MTHFD2L: variants seen among roughly 807,000 people sequenced by gnomAD.
MTHFD2L encodes methylenetetrahydrofolate dehydrogenase (NADP+ dependent) 2 like.
A neutral mutation model predicts 34.9 loss-of-function variants in MTHFD2L; 29 were observed. The observed-to-expected ratio is 0.83, with a 90% CI of 0.62 to 1.13. The LOEUF is 1.13. MTHFD2L is among the 50% of genes most tolerant of loss of function. The pLI is 0.00. For synonymous variants in MTHFD2L, 167 were observed against 155.7 expected, an observed-to-expected ratio of 1.07 and a Z score of -0.54; for missense variants, 481 against 446.5, an observed-to-expected ratio of 1.08 and a Z score of -0.70.
At chr4:74,134,422 A>T (rs557271568) in intron 1 of MTHFD2L, among the ~76,000 whole-genome samples, 2 of 152,162 alleles carry the variant, frequency 1.3e-5, no homozygotes, top group Non-Finnish European at 2.9e-5. Context: ...AAGTCAAGGT[A>T]AACATAGGCT....
chr4:74,124,845 TAAG>T (rs1310356810), upstream of MTHFD2L, among the ~76,000 whole-genome samples: 1 of 152,100 alleles, frequency 6.6e-6, no homozygotes, highest in African/African-American at 2.4e-5. Context: ...TTATAAAAAT[TAAG>T]AAATCATGTA....
At chr4:74,293,623 C>G in intron 7 of MTHFD2L, 1 of 565,404 alleles carries the variant, frequency 1.8e-6, no homozygotes. Context: ...CTTCCAAGTT[C>G]AATGGCAAGC....
chr4:74,133,946 A>C (rs1007107848), intron 1 of MTHFD2L, among the ~76,000 whole-genome samples: 2 of 152,136 alleles, frequency 1.3e-5, no homozygotes, highest in African/African-American at 4.8e-5. Flanking sequence ...AGGTACAGAG[A>C]AGTGGAAACA....
intron 5 of MTHFD2L, among the ~76,000 whole-genome samples, chr4:74,216,926 CCACATCATAGGT>C (rs1272682890): frequency 6.6e-6 from 1 of 151,786 alleles, no homozygotes; most frequent in Non-Finnish European, 1.5e-5. Flanking sequence ...AGTCTGTTTT[CCACATCATAGGT>C]CTTGATCACC....
chr4:74,169,657 A>T (rs1205155056), intron 1 of MTHFD2L, among the ~76,000 whole-genome samples: 1 of 152,112 alleles, frequency 6.6e-6, no homozygotes, highest in East Asian at 1.9e-4. Context: ...ATTTGCTACT[A>T]CCTATAAATG....
intron 5 of MTHFD2L, among the ~76,000 whole-genome samples, chr4:74,205,840 C>T (rs1294953507): frequency 6.6e-6 from 1 of 151,164 alleles, no homozygotes; most frequent in Non-Finnish European, 1.5e-5. Context: ...GATGGGGGAA[C>T]AAGGGGATAT....
At chr4:74,229,558 G>T (rs1011352342) in intron 6 of MTHFD2L, among the ~76,000 whole-genome samples, 2 of 152,106 alleles carry the variant, frequency 1.3e-5, no homozygotes, top group Non-Finnish European at 1.5e-5. Flanking sequence ...GAAGAATGTG[G>T]TAATGAAATC....
At chr4:74,171,823 T>C (rs928778813) in intron 1 of MTHFD2L, among the ~76,000 whole-genome samples, 2 of 152,166 alleles carry the variant, frequency 1.3e-5, no homozygotes, top group African/African-American at 4.8e-5. Context: ...TTTTAAAGCA[T>C]ATGTGTACAA....
At chr4:74,200,602 C>T (rs1018902943) in intron 4 of MTHFD2L, among the ~76,000 whole-genome samples, 16 of 152,082 alleles carry the variant, frequency 1.1e-4, no homozygotes, top group Non-Finnish European at 1.8e-4. Flanking sequence ...GTACTGGATA[C>T]GGTAATGCTC....
intron 3 of MTHFD2L, among the ~76,000 whole-genome samples, chr4:74,188,754 G>GTATACATATGTATATATATGGGTA (rs1731846136): frequency 1.0e-4 from 1 of 10,006 alleles, no homozygotes; most frequent in African/African-American, 1.3e-4. Context: ...ATATATATGG[G>GTATACATATGTATATATATGGGTA]TATATATATA....
In MTHFD2L at chr4:74,158,184, G is replaced by C. The variant is rs1724559579; in HGVS notation, c.46G>C (p.Gly16Arg). 3.9e-6 allele frequency: 6 copies of C among 1,526,822 alleles called. No homozygotes were observed. The African/African-American group carries it at 8.3e-5, about 21-fold the overall frequency. The allele number at this position is 1,526,822 out of a possible 1,614,324, so 94.6% of individuals were successfully genotyped here. A position where few individuals can be genotyped will look rare whatever the true frequency, so the allele number is the denominator to read the frequency against. The change falls in exon 1 of 8, where the codon GGC becomes CGC. Residue 16 changes from glycine to arginine, a missense_variant. Physicochemically the swap from Gly to Arg is moderately radical, Grantham distance 125. Transcript: ENST00000325278. ...CTTCTCGCTGCTCCGCGGCCGCCTTGGCCGAGCGCCGGCGTTGGGCAGAAG... is the reference window on the plus strand; with the variant it reads ...CTTCTCGCTGCTCCGCGGCCGCCTTCGCCGAGCGCCGGCGTTGGGCAGAAG... ...RGFSLLRGRL[G>R]RAPALGRSTA...
At chr4:74,193,259 A>G (rs1051632287) in intron 3 of MTHFD2L, among the ~76,000 whole-genome samples, 1 of 152,146 alleles carries the variant, frequency 6.6e-6, no homozygotes, top group African/African-American at 2.4e-5. Flanking sequence ...TGGCATTCAC[A>G]TTCTATAAGT....
upstream of MTHFD2L, among the ~76,000 whole-genome samples, chr4:74,122,410 A>G (rs1234534231): frequency 6.6e-6 from 1 of 152,180 alleles, no homozygotes; most frequent in Admixed American, 6.5e-5. Flanking sequence ...ACCAGATCTC[A>G]TGATAATTCA....
At chr4:74,174,733 C>A in intron 2 of MTHFD2L, 43 bp downstream of exon 2, 1 of 1,248,034 alleles carries the variant, frequency 8.0e-7, no homozygotes, top group South Asian at 2.7e-5. Context: ...AATATGTTTT[C>A]TGTTTTTACT....
At chr4:74,271,745 A>G (rs1028259318) in intron 6 of MTHFD2L, among the ~76,000 whole-genome samples, 2 of 152,150 alleles carry the variant, frequency 1.3e-5, no homozygotes, top group African/African-American at 2.4e-5. Flanking sequence ...CATTGAATCT[A>G]TAAATTACCT....
chr4:74,151,688 C>T (rs1403909144), intron 1 of MTHFD2L, among the ~76,000 whole-genome samples: 5 of 152,242 alleles, frequency 3.3e-5, no homozygotes, highest in East Asian at 1.9e-4. Flanking sequence ...TAAATCTTCC[C>T]CCATTTGACT....
At chr4:74,200,513 C>A (rs750726807) in intron 4 of MTHFD2L, among the ~76,000 whole-genome samples, 1 of 151,938 alleles carries the variant, frequency 6.6e-6, no homozygotes, top group Non-Finnish European at 1.5e-5. Context: ...TTTTTCTGTA[C>A]CTTTAAAAAT....
At chr4:74,244,960 C>T (rs572508137) in intron 6 of MTHFD2L, among the ~76,000 whole-genome samples, 5 of 151,908 alleles carry the variant, frequency 3.3e-5, no homozygotes, top group African/African-American at 1.2e-4. Context: ...TTTGGGAGGC[C>T]GAGGCGGGCG....
At chr4:74,140,569 A>G (rs1723217229) in intron 1 of MTHFD2L, 1 of 978,968 alleles carries the variant, frequency 1.0e-6, no homozygotes, top group Non-Finnish European at 1.2e-6. Context: ...CTATACTACA[A>G]AAAAGGCAAT....
Sources: gnomAD v4.1 joint callset for allele counts (sites outside exome capture counted in the v4.1 genomes callset) on GRCh38, gnomAD v4.1.1 for gene constraint, MANE v1.5 for transcripts, NCBI Gene and HGNC (gene_info 2026-07-23, HGNC 2026-07-21) for gene names.